The following P2RX1 variants were observed in gnomAD, a reference collection of about 807,000 sequenced individuals.
P2RX1 encodes the protein purinergic receptor P2X 1, also known as P2X purinoceptor 1.
In P2RX1, 42 loss-of-function variants were observed where a neutral mutation model predicts 50.3. That is an observed-to-expected ratio of 0.83 (90% confidence interval 0.65 to 1.08). The LOEUF (loss-of-function observed/expected upper bound fraction) is 1.08, where lower values mean the gene tolerates loss of function less well. P2RX1 is among the 50% of genes least tolerant of loss of function. The pLI is 0.00. For synonymous variants in P2RX1, 199 were observed against 202.6 expected (o/e 0.98, Z 0.15); for missense variants, 449 against 529.0 (o/e 0.85, Z 1.48).
rs9898768 is a variant in P2RX1, at chr17:3,897,383, C to A, written c.*431G>T. ...GCAGTTGAAATGTGGCTAGTTCAGC[C>A]GAGGAATTGAATTTTGTGTTTCATT... On this transcript the variant is annotated 3_prime_UTR_variant, in exon 12 of 12. Transcript: ENST00000225538. 1 of 271,400 alleles carries A rather than the reference C, an allele frequency of 3.7e-6. No homozygotes were observed. The highest frequency in any genetic ancestry group is 4.6e-5 in the Admixed American group (1 of 21,920). The allele number at this position is 271,400 out of a possible 1,614,324, so 16.8% of individuals were successfully genotyped here.
At chr17:3,898,859 C>T in intron 9 of P2RX1, 75 bp downstream of exon 9, 2 of 1,187,900 alleles carry the variant, frequency 1.7e-6, no homozygotes, top group Non-Finnish European at 2.5e-6. Context: ...TTGTCTATAA[C>T]TGTAGATGCC....
intron 8 of P2RX1, 95 bp downstream of exon 8, chr17:3,899,539 C>G: frequency 6.4e-7 from 1 of 1,552,638 alleles, no homozygotes; most frequent in South Asian, 1.1e-5. Context: ...CTCTGCTCCC[C>G]TCTGGGGACA....
intron 7 of P2RX1, 126 bp from the exon 8 acceptor site, chr17:3,899,887 G>A: frequency 8.6e-7 from 1 of 1,165,310 alleles, no homozygotes. Context: ...GATCACCTGA[G>A]GCCAGGAGTT....
chr17:3,904,034 G>A lies in P2RX1; in HGVS notation c.428-10C>T. The A allele has an allele frequency of 2.5e-6, 4 of 1,611,594 alleles. No individual in the cohort carries two copies. The highest frequency in any genetic ancestry group is 3.4e-6 in the Non-Finnish European group (4 of 1,177,808). On this transcript the variant is annotated splice_polypyrimidine_tract_variant and intron_variant, in intron 4 of 11. Transcript: ENST00000225538. The stretch of plus-strand genomic sequence containing the variant: ...TTGCCCGTGCGGATGCCTGGAGCCA[G>A]AGGGAAACCCCTGGGTGCCTGCACT...
At chr17:3,902,669 G>T (rs182111297) in intron 7 of P2RX1, among the ~76,000 whole-genome samples, 12 of 151,014 alleles carry the variant, frequency 7.9e-5, no homozygotes, top group Middle Eastern at 3.4e-3. Flanking sequence ...GTGCAGTGGC[G>T]CAATCTTAGC....
chr17:3,908,547 G>A (rs1056615771), intron 1 of P2RX1, among the ~76,000 whole-genome samples: 5 of 152,154 alleles, frequency 3.3e-5, no homozygotes, highest in Admixed American at 2.6e-4. Context: ...GGCGACAAGA[G>A]TGAGACTCCG....
chr17:3,897,945 C>G (rs2056062467), intron 11 of P2RX1, 64 bp downstream of exon 11: 4 of 1,609,130 alleles, frequency 2.5e-6, no homozygotes, highest in South Asian at 2.2e-5. Flanking sequence ...CCCACGCCCC[C>G]CACCCCAACA....
intron 1 of P2RX1, among the ~76,000 whole-genome samples, chr17:3,909,155 C>T (rs944007899): frequency 6.6e-6 from 1 of 152,086 alleles, no homozygotes; most frequent in African/African-American, 2.4e-5. Flanking sequence ...CTCAACCTCC[C>T]GAGTAGCTGG....
In P2RX1 at chr17:3,907,013, A is replaced by G. The variant is rs1393273513; in HGVS notation, c.138-1646T>C. ...ACCTTCTGGAGAGAGCAATCCTGAC[A>G]ATGAAGCTCTCCTAGAGGAAAGCCA... On this transcript the variant is annotated intron_variant, in intron 1 of 11. Coordinates refer to ENST00000225538, the MANE Select transcript of P2RX1 (RefSeq NM_002558.4). 2.0e-5 allele frequency among the ~76,000 whole-genome samples: 3 copies of G among 152,202 alleles called. No homozygotes were observed. The East Asian group carries it at 5.8e-4, about 29-fold the overall frequency.
At chr17:3,909,970 C>CTTTTTT (rs751349796) in intron 1 of P2RX1, among the ~76,000 whole-genome samples, 14 of 107,414 alleles carry the variant, frequency 1.3e-4, no homozygotes, top group East Asian at 3.0e-4. Flanking sequence ...CTGATAAATT[C>CTTTTTT]TTTTTTTTTT....
chr17:3,913,456 G>A (rs1198039413), intron 1 of P2RX1, among the ~76,000 whole-genome samples: 1 of 152,196 alleles, frequency 6.6e-6, no homozygotes, highest in East Asian at 1.9e-4. Flanking sequence ...CTGGATCTGA[G>A]AGGGTCAGCT....
chr17:3,897,660 C>G lies in P2RX1; in HGVS notation c.*154G>C. On this transcript the variant is annotated 3_prime_UTR_variant, in exon 12 of 12. Transcript: ENST00000225538. The stretch of plus-strand genomic sequence containing the variant: ...GGAGCTCAGATTTGCACAGGTCTCT[C>G]CTACTATGCACCCTGAGCTTCTGGC... 1.4e-6 allele frequency: 1 copy of G among 707,912 alleles called. No homozygotes were observed. The allele number at this position is 707,912 out of a possible 1,614,324, so 43.9% of individuals were successfully genotyped here. A position where few individuals can be genotyped will look rare whatever the true frequency, so the allele number is the denominator to read the frequency against.
chr17:3,913,163 A>G (rs932195566), intron 1 of P2RX1, among the ~76,000 whole-genome samples: 30 of 136,296 alleles, frequency 2.2e-4, no homozygotes, highest in African/African-American at 7.9e-4. Flanking sequence ...ATGGAGTCTC[A>G]CTCTGTCACT....
rs187632051 is a variant in P2RX1, at chr17:3,914,922, C to G, written c.137+1167G>C. ...GGGTCTGGCCCTGGGTCCACCTGGC[C>G]GGCTCTGAGGTTCTGGGGACTGGTG... On this transcript the variant is annotated intron_variant, in intron 1 of 11. Coordinates refer to ENST00000225538, the MANE Select transcript of P2RX1 (RefSeq NM_002558.4). The surrounding 1 kb of genome is among the most constrained non-coding windows in gnomAD (Gnocchi z 4.1). 6.6e-6 allele frequency among the ~76,000 whole-genome samples: 1 copy of G among 152,142 alleles called. No homozygotes were observed. The highest frequency in any genetic ancestry group is 1.5e-5 in the Non-Finnish European group (1 of 68,022).
chr17:3,908,821 T>A (rs937825486), intron 1 of P2RX1, among the ~76,000 whole-genome samples: 7 of 152,134 alleles, frequency 4.6e-5, no homozygotes, highest in African/African-American at 1.7e-4. Context: ...TGGCTGAGGG[T>A]CAGGTGCCAG....
intron 7 of P2RX1, among the ~76,000 whole-genome samples, chr17:3,900,254 A>T (rs974007335): frequency 6.6e-6 from 1 of 152,138 alleles, no homozygotes. Context: ...GGAGTTCGAG[A>T]CCAGCCAGAC....
In P2RX1 at chr17:3,915,185, C is replaced by A. The variant is rs867944755; in HGVS notation, c.137+904G>T. Among the ~76,000 whole-genome samples, 6 of 152,338 alleles carry A rather than the reference C, an allele frequency of 3.9e-5. No homozygotes were observed. In the South Asian group the frequency reaches 1.2e-3, roughly 32 times the overall value. On this transcript the variant is annotated intron_variant, in intron 1 of 11. Coordinates refer to ENST00000225538, the MANE Select transcript of P2RX1 (RefSeq NM_002558.4). Reference sequence around the variant, plus strand: ...GCCCCCTCCAGTGGCCCTGGGGCCTCCAGGAGACCTCTGCAGAGTCACTGT... The same window carrying A: ...GCCCCCTCCAGTGGCCCTGGGGCCTACAGGAGACCTCTGCAGAGTCACTGT...
In P2RX1 at chr17:3,897,491, C is replaced by T. The variant is rs117126856; in HGVS notation, c.*323G>A. On this transcript the variant is annotated 3_prime_UTR_variant, in exon 12 of 12. Coordinates refer to ENST00000225538, the MANE Select transcript of P2RX1 (RefSeq NM_002558.4). ...CACAGATCTAGAGAAATGGAGGCAG[C>T]GGGTTGGATAATGAGAGTCCGGAGA... is the stretch of plus-strand genomic sequence containing the variant. The T allele has an allele frequency of 5.5e-3, 2,594 of 473,076 alleles. 65 individuals carry two copies. Among genetic ancestry groups the T allele is most frequent in the East Asian group, 0.05 (1,298 of 25,968 alleles). 29.3% of individuals were successfully genotyped at this position (473,076 alleles called of 1,614,324 possible).
chr17:3,903,383 C>T lies in P2RX1; in HGVS notation c.606-40G>A. ...GGTGTTGACAGCTGCTGTGTGTCAT[C>T]CGGGAGGGTGCCCACCACGCCCCAA... On this transcript the variant is annotated intron_variant, in intron 6 of 11. Coordinates refer to ENST00000225538, the MANE Select transcript of P2RX1 (RefSeq NM_002558.4). The surrounding 1 kb of genome is among the most constrained non-coding windows in gnomAD (Gnocchi z 4.6). The T allele has an allele frequency of 6.2e-7, 1 of 1,613,148 alleles. No homozygotes were observed.
Sources: allele counts gnomAD v4.1 joint callset (sites outside exome capture counted in the v4.1 genomes callset), GRCh38; gene constraint gnomAD v4.1.1; non-coding constraint Gnocchi (gnomAD v3.1); transcripts MANE v1.5; gene names NCBI Gene and HGNC (gene_info 2026-07-23, HGNC 2026-07-21).